Variants in SLC22A23 observed in about 807,000 individuals in gnomAD.
The protein encoded by SLC22A23 is solute carrier family 22 member 23, also known as ion transporter protein.
Under a neutral mutation model 61.0 loss-of-function variants are expected in SLC22A23, and 26 were observed. That is an observed-to-expected ratio of 0.43 (90% CI 0.31 to 0.59). SLC22A23 has a LOEUF of 0.59. Ranked by LOEUF, SLC22A23 falls within the 20% of genes least tolerant of loss-of-function variation. The pLI is 0.11. For missense variants in SLC22A23, 796 were observed against 934.7 expected, an observed-to-expected ratio of 0.85 and a Z score of 1.94; for synonymous variants, 430 against 413.9, an observed-to-expected ratio of 1.04 and a Z score of -0.47.
intron 3 of SLC22A23, among the ~76,000 whole-genome samples, chr6:3,362,122 G>A (rs929975699): frequency 4.6e-5 from 7 of 151,698 alleles, no homozygotes; most frequent in African/African-American, 2.4e-5. Context: ...AAAAATTAGC[G>A]GCCAGGTGTG....
chr6:3,443,925 G>C (rs1205779530), intron 1 of SLC22A23, among the ~76,000 whole-genome samples: 3 of 152,182 alleles, frequency 2.0e-5, no homozygotes, highest in Admixed American at 1.3e-4. Context: ...TAGCTTCTGA[G>C]TGTCCTAAAA....
At chr6:3,370,053 G>A (rs1168070025) in intron 3 of SLC22A23, among the ~76,000 whole-genome samples, 3 of 152,188 alleles carry the variant, frequency 2.0e-5, no homozygotes, top group Non-Finnish European at 2.9e-5. Flanking sequence ...TTATCAGGAT[G>A]ACTATAAGAA....
At chr6:3,413,303 C>T (rs1769402946) in intron 2 of SLC22A23, among the ~76,000 whole-genome samples, 1 of 152,166 alleles carries the variant, frequency 6.6e-6, no homozygotes, top group Non-Finnish European at 1.5e-5. Context: ...GCCCCTCCAA[C>T]CTGGCAGAGA....
intron 9 of SLC22A23, among the ~76,000 whole-genome samples, chr6:3,281,426 G>A (rs932049048): frequency 6.6e-6 from 1 of 152,174 alleles, no homozygotes; most frequent in Non-Finnish European, 1.5e-5. Flanking sequence ...GTTGCTTTTT[G>A]TGGTGGAACA....
chr6:3,375,038 T>C (rs763005235), intron 3 of SLC22A23, among the ~76,000 whole-genome samples: 2 of 152,200 alleles, frequency 1.3e-5, no homozygotes, highest in Non-Finnish European at 2.9e-5. Flanking sequence ...ACGGTGCTGA[T>C]GATGGGAGTA....
chr6:3,455,122 C>T (rs1045705357), intron 1 of SLC22A23, among the ~76,000 whole-genome samples: 2 of 152,202 alleles, frequency 1.3e-5, no homozygotes, highest in Non-Finnish European at 2.9e-5. Flanking sequence ...ACTTGTCTCA[C>T]AACTCCCTTC....
intron 1 of SLC22A23, among the ~76,000 whole-genome samples, chr6:3,421,862 T>C (rs1399958632): frequency 2.0e-5 from 3 of 152,180 alleles, no homozygotes; most frequent in Admixed American, 6.5e-5. Flanking sequence ...ACAGGAAGCT[T>C]ATTCTGAAAG....
At chr6:3,428,984 G>GT (rs1770686450) in intron 1 of SLC22A23, among the ~76,000 whole-genome samples, 1 of 108,900 alleles carries the variant, frequency 9.2e-6, no homozygotes, top group Non-Finnish European at 2.2e-5. Context: ...CTCTTCAAAC[G>GT]TATTTGGCTT....
At position 3,392,447 on chromosome 6, in the gene SLC22A23, G is replaced by A. The variant is rs181940280; in HGVS notation, c.913+17741C>T. On this transcript the variant is annotated intron_variant, in intron 3 of 9. Transcript: ENST00000406686. ...TATATAGACAGATCGATGCAGGAGA[G>A]TAGAAGCTCTGATTCAGGCTGTATG... Among the ~76,000 whole-genome samples, 435 of 152,344 alleles carry A rather than the reference G, an allele frequency of 2.9e-3. 1 individual carries two copies. Among genetic ancestry groups the A allele is most frequent in the African/African-American group, 9.6e-3 (400 of 41,584 alleles).
At chr6:3,278,289 A>G (rs1759097570) in intron 9 of SLC22A23, among the ~76,000 whole-genome samples, 1 of 152,230 alleles carries the variant, frequency 6.6e-6, no homozygotes, top group African/African-American at 2.4e-5. Flanking sequence ...TCAGCACTTC[A>G]TATTAGAAAG....
At chr6:3,314,785 G>A (rs1762540761) in intron 4 of SLC22A23, among the ~76,000 whole-genome samples, 2 of 151,832 alleles carry the variant, frequency 1.3e-5, no homozygotes, top group Admixed American at 6.6e-5. Flanking sequence ...GTTTCTGCAC[G>A]GCCAGCCTCT....
At chr6:3,426,064 A>C (rs1475177516) in intron 1 of SLC22A23, among the ~76,000 whole-genome samples, 1 of 152,212 alleles carries the variant, frequency 6.6e-6, no homozygotes, top group Non-Finnish European at 1.5e-5. Context: ...CTAAACAAAT[A>C]ATAATTTGTC....
rs746420467 is a variant in SLC22A23, at chr6:3,285,063, C to T, written c.1579+16G>A. ...ATATGAGACGAGGAAGCACAGCCCA[C>T]GCGCTTGGGACTCACCTGAGTCTGG... On this transcript the variant is annotated intron_variant, in intron 8 of 9. Transcript: ENST00000406686. 2.5e-5 allele frequency: 40 copies of T among 1,612,390 alleles called. No homozygotes were observed. Among genetic ancestry groups the T allele is most frequent in the East Asian group, 1.6e-4 (7 of 44,814 alleles).
At chr6:3,282,092 C>G in intron 9 of SLC22A23, 1 of 645,956 alleles carries the variant, frequency 1.5e-6, no homozygotes, top group East Asian at 2.7e-5. Context: ...CCCCCTCCCC[C>G]AACAAAATAT....
intron 2 of SLC22A23, among the ~76,000 whole-genome samples, chr6:3,415,193 C>G (rs558692239): frequency 9.2e-5 from 14 of 152,328 alleles, no homozygotes; most frequent in Admixed American, 8.5e-4. Flanking sequence ...CCACCCTCCC[C>G]TGCCCACAGC....
intron 3 of SLC22A23, among the ~76,000 whole-genome samples, chr6:3,341,786 G>C (rs527940761): frequency 6.6e-6 from 1 of 151,974 alleles, no homozygotes; most frequent in South Asian, 2.1e-4. Context: ...GGGGGGTGGG[G>C]GCGGGGGAGC....
chr6:3,360,167 T>C lies in SLC22A23; in HGVS notation c.914-36165A>G, dbSNP rs1765346852. Among the ~76,000 whole-genome samples the C allele has an allele frequency of 1.3e-5, 2 of 152,278 alleles. No homozygotes were observed. Among genetic ancestry groups the C allele is most frequent in the Admixed American group, 6.5e-5 (1 of 15,288 alleles). Reference sequence around the variant, plus strand: ...TTGTTTGGGAAGATGAAAAGACCTCTAGAGATGAAGGGTGGTGATGGCTGT... The same window carrying C: ...TTGTTTGGGAAGATGAAAAGACCTCCAGAGATGAAGGGTGGTGATGGCTGT... On this transcript the variant is annotated intron_variant, in intron 3 of 9. Coordinates refer to ENST00000406686, the MANE Select transcript of SLC22A23 (RefSeq NM_015482.2). The surrounding 1 kb of genome is among the most constrained non-coding windows in gnomAD (Gnocchi z 4.6).
chr6:3,353,630 A>G (rs1764903648), intron 3 of SLC22A23, among the ~76,000 whole-genome samples: 1 of 152,226 alleles, frequency 6.6e-6, no homozygotes, highest in African/African-American at 2.4e-5. Flanking sequence ...TCACTAGATC[A>G]GTCAACCACT....
At chr6:3,289,616 A>G (rs1229123621) in intron 6 of SLC22A23, 148 bp downstream of exon 6, 7 of 661,008 alleles carry the variant, frequency 1.1e-5, no homozygotes, top group Admixed American at 6.1e-5. Flanking sequence ...GGGGAGGTCA[A>G]TATCTTCTAG....
Sources: allele counts gnomAD v4.1 joint callset (sites outside exome capture counted in the v4.1 genomes callset), GRCh38; gene constraint gnomAD v4.1.1; non-coding constraint Gnocchi (gnomAD v3.1); transcripts MANE v1.5; gene names NCBI Gene and HGNC (gene_info 2026-07-23, HGNC 2026-07-21).